The following GRXCR1 variants were observed in gnomAD, a reference collection of about 807,000 sequenced individuals.
The protein encoded by GRXCR1 is glutaredoxin and cysteine rich domain containing 1, also known as glutaredoxin domain-containing cysteine-rich protein 1.
Under a neutral mutation model 27.3 loss-of-function variants are expected in GRXCR1, and 27 were observed. The observed-to-expected ratio is 0.99, with a 90% CI of 0.73 to 1.37. The LOEUF (loss-of-function observed/expected upper bound fraction) is 1.37. Ranked by LOEUF, GRXCR1 falls within the 40% of genes most tolerant of loss-of-function variation. GRXCR1 has a pLI of 0.00. For missense variants in GRXCR1, 379 were observed against 354.4 expected, an observed-to-expected ratio of 1.07 and a Z score of -0.56; for synonymous variants, 122 against 131.1, an observed-to-expected ratio of 0.93 and a Z score of 0.47.
chr4:42,925,361 G>A (rs1233295458), intron 1 of GRXCR1, among the ~76,000 whole-genome samples: 2 of 151,984 alleles, frequency 1.3e-5, no homozygotes, highest in African/African-American at 2.4e-5. Flanking sequence ...TATTACTCAA[G>A]GAATGTAAAA....
intron 1 of GRXCR1, among the ~76,000 whole-genome samples, chr4:42,934,752 G>A (rs1747417730): frequency 6.6e-6 from 1 of 151,926 alleles, no homozygotes. Flanking sequence ...ATATATAACA[G>A]CTAAGTCTAG....
At chr4:42,912,318 C>T (rs1746739775) in intron 1 of GRXCR1, among the ~76,000 whole-genome samples, 2 of 152,108 alleles carry the variant, frequency 1.3e-5, no homozygotes, top group African/African-American at 4.8e-5. Flanking sequence ...ATTACAAAGA[C>T]TTAGTATTGA....
intron 1 of GRXCR1, among the ~76,000 whole-genome samples, chr4:42,907,539 G>A (rs1313230419): frequency 1.3e-5 from 2 of 152,252 alleles, no homozygotes; most frequent in East Asian, 3.9e-4. Flanking sequence ...TGAGCTCTGA[G>A]CATTATGTCC....
At chr4:42,989,383 A>T (rs1263456925) in intron 2 of GRXCR1, among the ~76,000 whole-genome samples, 4 of 152,120 alleles carry the variant, frequency 2.6e-5, no homozygotes, top group African/African-American at 9.7e-5. Flanking sequence ...TTCTGGCCTC[A>T]TTTAGCCTTA....
chr4:42,893,749 C>G (rs1057063510), intron 1 of GRXCR1, 99 bp downstream of exon 1: 40 of 1,095,712 alleles, frequency 3.7e-5, no homozygotes, highest in Non-Finnish European at 5.5e-5. Context: ...TTATTTGCAA[C>G]TCCTACATGC....
chr4:42,904,805 C>T (rs745952589), intron 1 of GRXCR1, among the ~76,000 whole-genome samples: 1 of 152,096 alleles, frequency 6.6e-6, no homozygotes, highest in Non-Finnish European at 1.5e-5. Flanking sequence ...TTTCAGTCCT[C>T]AGAGAATCTA....
intron 1 of GRXCR1, among the ~76,000 whole-genome samples, chr4:42,897,519 G>C (rs996013636): frequency 6.6e-6 from 1 of 152,028 alleles, no homozygotes; most frequent in Non-Finnish European, 1.5e-5. Context: ...GTCTATGTAT[G>C]TACATGGATA....
At chr4:42,921,761 T>G (rs544716710) in intron 1 of GRXCR1, among the ~76,000 whole-genome samples, 1 of 152,270 alleles carries the variant, frequency 6.6e-6, no homozygotes, top group East Asian at 1.9e-4. Flanking sequence ...TCTAAAACAT[T>G]CATTCTCTGA....
chr4:42,908,395 C>T (rs952209983), intron 1 of GRXCR1, among the ~76,000 whole-genome samples: 1 of 152,144 alleles, frequency 6.6e-6, no homozygotes, highest in African/African-American at 2.4e-5. Context: ...TGCATCTTGC[C>T]TGGGCTTGAT....
At chr4:42,894,620 A>G (rs933632072) in intron 1 of GRXCR1, among the ~76,000 whole-genome samples, 1 of 152,148 alleles carries the variant, frequency 6.6e-6, no homozygotes, top group Non-Finnish European at 1.5e-5. Context: ...TTTATTTCAA[A>G]GAAAGTATTT....
intron 1 of GRXCR1, among the ~76,000 whole-genome samples, chr4:42,914,368 CAAA>C (rs1389168951): frequency 6.6e-6 from 1 of 152,238 alleles, no homozygotes; most frequent in Non-Finnish European, 1.5e-5. Flanking sequence ...GACATGGAGT[CAAA>C]GAAGATCATT....
chr4:42,987,231 A>ATATATATAT (rs1553943922), intron 2 of GRXCR1, among the ~76,000 whole-genome samples: 5 of 86,532 alleles, frequency 5.8e-5, no homozygotes, highest in African/African-American at 1.8e-4. Context: ...ATTATATATT[A>ATATATATAT]TATATATATA....
At chr4:42,950,912 T>C (rs185632496) in intron 1 of GRXCR1, among the ~76,000 whole-genome samples, 38 of 152,210 alleles carry the variant, frequency 2.5e-4, no homozygotes, top group African/African-American at 9.1e-4. Context: ...TATATTTATG[T>C]CTATATTTCT....
In GRXCR1 at chr4:43,030,470, C is replaced by T; in HGVS notation, c.803C>T (p.Ser268Phe). ...MSMFRNCFTD[S>F]FKALKCTACN... Reference sequence around the variant, plus strand: ...ATGTTTCGAAACTGCTTCACAGACTCTTTCAAAGCCCTGAAGTGTACGGCT... The same window carrying T: ...ATGTTTCGAAACTGCTTCACAGACTTTTTCAAAGCCCTGAAGTGTACGGCT... Residue 268 changes from serine to phenylalanine, a missense_variant, in exon 4 of 4, where the codon TCT becomes TTT. By Grantham distance (155) the Ser-to-Phe change is radical (BLOSUM62 -2). Transcript: ENST00000399770. 5 of 1,614,122 alleles carry T rather than the reference C, an allele frequency of 3.1e-6. No homozygotes were observed. Among genetic ancestry groups the T allele is most frequent in the Non-Finnish European group, 4.2e-6 (5 of 1,179,994 alleles).
intron 2 of GRXCR1, among the ~76,000 whole-genome samples, chr4:43,006,051 T>C (rs1712546917): frequency 6.6e-6 from 1 of 152,214 alleles, no homozygotes; most frequent in Non-Finnish European, 1.5e-5. Flanking sequence ...TATGCCTGTC[T>C]TTACTACAAT....
intron 2 of GRXCR1, among the ~76,000 whole-genome samples, chr4:42,999,849 A>G (rs925713083): frequency 6.6e-6 from 1 of 152,364 alleles, no homozygotes; most frequent in East Asian, 1.9e-4. Context: ...GTAAAAGACA[A>G]TAAACCTACT....
At chr4:42,928,244 G>T (rs866421559) in intron 1 of GRXCR1, among the ~76,000 whole-genome samples, 1 of 152,078 alleles carries the variant, frequency 6.6e-6, no homozygotes, top group Middle Eastern at 3.4e-3. Context: ...TCCTGCACAC[G>T]TTTCCAGGCT....
At chr4:43,012,790 T>TA (rs1161420036) in intron 2 of GRXCR1, among the ~76,000 whole-genome samples, 3 of 151,954 alleles carry the variant, frequency 2.0e-5, no homozygotes, top group Admixed American at 6.6e-5. Flanking sequence ...ATTTCTTTTT[T>TA]AAAAAAAACC....
intron 2 of GRXCR1, among the ~76,000 whole-genome samples, chr4:42,984,583 C>T (rs1034674792): frequency 1.6e-4 from 25 of 152,204 alleles, no homozygotes; most frequent in African/African-American, 6.0e-4. Flanking sequence ...TCTTGGCAGG[C>T]AGTCTGGCAG....
Sources: gnomAD v4.1 joint callset for allele counts (sites outside exome capture counted in the v4.1 genomes callset) on GRCh38, gnomAD v4.1.1 for gene constraint, MANE v1.5 for transcripts, NCBI Gene and HGNC (gene_info 2026-07-23, HGNC 2026-07-21) for gene names.